The following MAGI2 variants were observed in gnomAD, a reference collection of about 807,000 sequenced individuals.
The protein encoded by MAGI2 is membrane-associated guanylate kinase, WW and PDZ domain-containing protein 2.
MAGI2 carries 35 observed loss-of-function variants against 133.3 expected under a neutral mutation model. That is an observed-to-expected ratio of 0.26 (90% CI 0.20 to 0.35). The LOEUF (loss-of-function observed/expected upper bound fraction) is 0.35. MAGI2 is among the 10% of genes least tolerant of loss of function. The pLI is 1.00. For missense variants in MAGI2, 1,636 were observed against 1,863.4 expected (o/e 0.88, Z 2.25); for synonymous variants, 729 against 710.6 (o/e 1.03, Z -0.41).
At chr7:78,573,018 T>C (rs1262064957) in intron 3 of MAGI2, among the ~76,000 whole-genome samples, 1 of 103,814 alleles carries the variant, frequency 9.6e-6, no homozygotes, top group African/African-American at 4.1e-5. Flanking sequence ...TAATAGGATA[T>C]ATATATGCAT....
intron 3 of MAGI2, among the ~76,000 whole-genome samples, chr7:78,606,667 CTT>C (rs1339010594): frequency 6.6e-6 from 1 of 152,108 alleles, no homozygotes; most frequent in East Asian, 1.9e-4. Context: ...TTCAATGTAT[CTT>C]TGCATATGAT....
intron 20 of MAGI2, among the ~76,000 whole-genome samples, chr7:78,118,357 T>C (rs1820084775): frequency 6.6e-6 from 1 of 152,164 alleles, no homozygotes; most frequent in African/African-American, 2.4e-5. Flanking sequence ...AAGCTGGATT[T>C]CATTAAAATT....
At chr7:79,398,618 C>T (rs966886395) in intron 1 of MAGI2, among the ~76,000 whole-genome samples, 4 of 152,146 alleles carry the variant, frequency 2.6e-5, no homozygotes, top group African/African-American at 9.7e-5. Context: ...TAAACCTAAA[C>T]CAATTACTTT....
intron 7 of MAGI2, among the ~76,000 whole-genome samples, chr7:78,361,207 A>C (rs985178594): frequency 1.3e-5 from 2 of 152,132 alleles, no homozygotes; most frequent in South Asian, 4.2e-4. Flanking sequence ...CAGCCCGGCC[A>C]AGATGGTGAA....
At chr7:78,720,894 A>T (rs1240536915) in intron 2 of MAGI2, among the ~76,000 whole-genome samples, 1 of 152,142 alleles carries the variant, frequency 6.6e-6, no homozygotes, top group Non-Finnish European at 1.5e-5. Context: ...TGATGAATGG[A>T]TCATAAAATT....
intron 9 of MAGI2, among the ~76,000 whole-genome samples, chr7:78,321,771 G>A (rs929520544): frequency 4.6e-5 from 7 of 152,076 alleles, no homozygotes; most frequent in Non-Finnish European, 8.8e-5. Context: ...TTGACAAATG[G>A]GATCTAATTA....
At chr7:79,274,497 T>A (rs6946286) in intron 1 of MAGI2, among the ~76,000 whole-genome samples, 3 of 151,596 alleles carry the variant, frequency 2.0e-5, no homozygotes, top group Non-Finnish European at 4.4e-5. Flanking sequence ...AGGAACCAGA[T>A]TAGGAAATGT....
intron 16 of MAGI2, 46 bp from the exon 17 acceptor site, chr7:78,135,252 C>T: frequency 6.9e-7 from 1 of 1,457,924 alleles, no homozygotes; most frequent in Non-Finnish European, 9.6e-7. Context: ...ATCACCAATA[C>T]ATGTTCTTTC....
intron 1 of MAGI2, among the ~76,000 whole-genome samples, chr7:79,369,857 G>C (rs1042099992): frequency 6.6e-6 from 1 of 152,074 alleles, no homozygotes; most frequent in Admixed American, 6.6e-5. Context: ...AAACATCATA[G>C]ATAAATTTGA....
chr7:78,613,261 A>T (rs1487643609), intron 3 of MAGI2, among the ~76,000 whole-genome samples: 1 of 152,218 alleles, frequency 6.6e-6, no homozygotes, highest in Non-Finnish European at 1.5e-5. Flanking sequence ...TTTCTAAGAC[A>T]GTGTAGCTTC....
rs1032803670 is a variant in MAGI2, at chr7:78,731,506, T to C, written c.419-104267A>G. Reference sequence around the variant, plus strand: ...AAATTGACCTGTGGCTGAGCAACATTATAATCCCCAAATCCCTAATATATA... The same window carrying C: ...AAATTGACCTGTGGCTGAGCAACATCATAATCCCCAAATCCCTAATATATA... On this transcript the variant is annotated intron_variant, in intron 2 of 21. Coordinates refer to ENST00000354212, the MANE Select transcript of MAGI2 (RefSeq NM_012301.4). Among the ~76,000 whole-genome samples, 5 of 152,148 alleles carry C rather than the reference T, an allele frequency of 3.3e-5. No individual in the cohort carries two copies. In the East Asian group the frequency reaches 7.7e-4, roughly 23 times the overall value.
intron 1 of MAGI2, among the ~76,000 whole-genome samples, chr7:79,338,573 T>C (rs1409371246): frequency 6.6e-6 from 1 of 152,112 alleles, no homozygotes. Context: ...TTCGAGAGTC[T>C]CTCTGGATGA....
At chr7:78,243,018 A>G (rs1014774895) in intron 10 of MAGI2, among the ~76,000 whole-genome samples, 7 of 152,028 alleles carry the variant, frequency 4.6e-5, no homozygotes, top group Non-Finnish European at 1.0e-4. Context: ...GCAGCAGTGA[A>G]CTGTGATTGT....
chr7:78,785,734 T>C (rs1183532210), intron 2 of MAGI2, among the ~76,000 whole-genome samples: 1 of 152,260 alleles, frequency 6.6e-6, no homozygotes, highest in Non-Finnish European at 1.5e-5. Flanking sequence ...TCCTTATCTA[T>C]AAAGTGAAAA....
At chr7:78,243,293 A>C (rs1791390373) in intron 10 of MAGI2, among the ~76,000 whole-genome samples, 1 of 150,828 alleles carries the variant, frequency 6.6e-6, no homozygotes, top group Non-Finnish European at 1.5e-5. Context: ...TCTCTTATAA[A>C]ACAAATGGGG....
At chr7:78,094,455 A>G (rs1305652595) in intron 20 of MAGI2, among the ~76,000 whole-genome samples, 1 of 152,110 alleles carries the variant, frequency 6.6e-6, no homozygotes, top group African/African-American at 2.4e-5. Context: ...TCCCTGTACA[A>G]TCTTGCATTG....
chr7:79,294,722 T>G lies in MAGI2; in HGVS notation c.301+158298A>C, dbSNP rs898796690. Among the ~76,000 whole-genome samples, 235 of 31,866 alleles carry G rather than the reference T, an allele frequency of 7.4e-3. 1 individual carries two copies. The highest frequency in any genetic ancestry group is 0.018 in the African/African-American group (232 of 12,662). 20.9% of individuals were successfully genotyped at this position (31,866 alleles called of 152,430 possible). A position where few individuals can be genotyped will look rare whatever the true frequency, so the allele number is the denominator to read the frequency against. ...TACAATAAGATTATATTTTGGTAGC[T>G]TTTTTTTTTTTTTTTTTTTTTTTCT... On this transcript the variant is annotated intron_variant, in intron 1 of 21. Transcript: ENST00000354212.
intron 21 of MAGI2, among the ~76,000 whole-genome samples, chr7:78,066,281 G>C (rs1289235651): frequency 6.6e-6 from 1 of 152,040 alleles, no homozygotes; most frequent in Non-Finnish European, 1.5e-5. Flanking sequence ...GGCCAACATG[G>C]TGAAACGCCA....
chr7:78,159,371 CA>C (rs1054289564), intron 16 of MAGI2, among the ~76,000 whole-genome samples: 39 of 152,162 alleles, frequency 2.6e-4, no homozygotes, highest in Middle Eastern at 3.2e-3. Context: ...TCAATTTCCA[CA>C]AGCATTTAGA....
Sources: allele counts gnomAD v4.1 joint callset (sites outside exome capture counted in the v4.1 genomes callset), GRCh38; gene constraint gnomAD v4.1.1; transcripts MANE v1.5; gene names NCBI Gene and HGNC (gene_info 2026-07-23, HGNC 2026-07-21).